FOCAD: variants seen among roughly 807,000 people sequenced by gnomAD.
FOCAD encodes the protein focadhesin, also known as KIAA1797.
In FOCAD, 198 loss-of-function variants were observed where a neutral mutation model predicts 225.6. The ratio of observed to expected loss-of-function variants is 0.88; its 90% CI spans 0.78 to 0.99. FOCAD has a LOEUF of 0.99. FOCAD is among the 50% of genes least tolerant of loss of function. FOCAD has a pLI of 0.00. For synonymous variants in FOCAD, 897 were observed against 755.0 expected (o/e 1.19, Z -3.08); for missense variants, 2,713 against 2,123.6 (o/e 1.28, Z -5.46).
intron 41 of FOCAD, among the ~76,000 whole-genome samples, chr9:20,989,243 A>G (rs1841447825): frequency 6.6e-6 from 1 of 152,048 alleles, no homozygotes; most frequent in South Asian, 2.1e-4. Flanking sequence ...TTGAAATTTT[A>G]ATTTGTGAGT....
chr9:20,844,349 CTTTTTTTTTTTTT>C (rs58468376), intron 15 of FOCAD, among the ~76,000 whole-genome samples: 11 of 77,248 alleles, frequency 1.4e-4, no homozygotes, highest in Non-Finnish European at 2.2e-4. Flanking sequence ...AGGAAATTTC[CTTTTTTTTTTTTT>C]TTTTTTTTTT....
At position 20,995,749 on chromosome 9, in the gene FOCAD, T is replaced by A. The variant is rs1842013833; in HGVS notation, c.*120T>A. ...ACATGATGCAGAGAGTTAAGGGTCA[T>A]GAAAAGATGGCCACATCACTGACAG... is the stretch of plus-strand genomic sequence containing the variant. On this transcript the variant is annotated 3_prime_UTR_variant, in exon 44 of 44. Transcript: ENST00000338382. 1 of 840,782 alleles carries A rather than the reference T, an allele frequency of 1.2e-6. No homozygotes were observed. Among genetic ancestry groups the A allele is most frequent in the South Asian group, 1.6e-5 (1 of 60,752 alleles). The allele number at this position is 840,782 out of a possible 1,614,324, so 52.1% of individuals were successfully genotyped here.
intron 1 of FOCAD, among the ~76,000 whole-genome samples, chr9:20,714,855 TC>T (rs1825202569): frequency 1.3e-5 from 2 of 152,264 alleles, no homozygotes; most frequent in South Asian, 4.2e-4. Flanking sequence ...TTTCTATACT[TC>T]TTGAAAAAAG....
intron 4 of FOCAD, among the ~76,000 whole-genome samples, chr9:20,728,331 T>C (rs1440205426): frequency 6.6e-6 from 1 of 152,188 alleles, no homozygotes. Context: ...ACAAAATTCA[T>C]TTATATTTCA....
At chr9:20,844,648 A>T (rs1331006503) in intron 15 of FOCAD, among the ~76,000 whole-genome samples, 1 of 152,046 alleles carries the variant, frequency 6.6e-6, no homozygotes, top group Non-Finnish European at 1.5e-5. Context: ...GGTGTGAGCC[A>T]CTGTACCCGG....
At chr9:20,809,810 T>C (rs1822859163) in intron 11 of FOCAD, among the ~76,000 whole-genome samples, 1 of 152,070 alleles carries the variant, frequency 6.6e-6, no homozygotes, top group Non-Finnish European at 1.5e-5. Context: ...AGTGTAGATT[T>C]GGCCCTCACA....
At chr9:20,854,308 T>G (rs1336812885) in intron 15 of FOCAD, among the ~76,000 whole-genome samples, 1 of 151,808 alleles carries the variant, frequency 6.6e-6, no homozygotes, top group East Asian at 1.9e-4. Context: ...TATTTTTTTT[T>G]CTGTTGGTTA....
intron 35 of FOCAD, among the ~76,000 whole-genome samples, chr9:20,958,486 T>C (rs1294473530): frequency 1.3e-5 from 2 of 152,186 alleles, no homozygotes; most frequent in African/African-American, 4.8e-5. Context: ...AGTGATCAGA[T>C]CAGAGTAATT....
intron 5 of FOCAD, among the ~76,000 whole-genome samples, chr9:20,745,601 T>C (rs1827980146): frequency 6.6e-6 from 1 of 152,214 alleles, no homozygotes; most frequent in South Asian, 2.1e-4. Flanking sequence ...ATTCATATTA[T>C]GGCAATCTTT....
rs76088446 is a variant in FOCAD at position 20,665,918 on chromosome 9, G to A, written c.-78+7092G>A. 2.6e-3 allele frequency among the ~76,000 whole-genome samples: 399 copies of A among 151,786 alleles called. 2 individuals are homozygous for A. Among genetic ancestry groups the A allele is most frequent in the African/African-American group, 8.1e-3 (337 of 41,430 alleles). On this transcript the variant is annotated intron_variant, in intron 2 of 45. Coordinates refer to the FOCAD transcript ENST00000380249. ...ATAATTATATATATATATTTTAGACGGAGTCTCGCTCTGTCACCGAGGTTG... is the reference window on the plus strand; with the variant it reads ...ATAATTATATATATATATTTTAGACAGAGTCTCGCTCTGTCACCGAGGTTG...
intron 5 of FOCAD, among the ~76,000 whole-genome samples, chr9:20,750,817 G>C (rs1828471552): frequency 6.6e-6 from 1 of 152,098 alleles, no homozygotes; most frequent in Non-Finnish European, 1.5e-5. Context: ...TAGACATTGG[G>C]CTTAGAGCCA....
At chr9:20,985,455 A>C (rs1337449717) in intron 39 of FOCAD, among the ~76,000 whole-genome samples, 2 of 152,246 alleles carry the variant, frequency 1.3e-5, no homozygotes, top group Non-Finnish European at 2.9e-5. Context: ...TTTGGGAGCA[A>C]ATACTACCAG....
chr9:20,944,269 G>C (rs1214446183), intron 28 of FOCAD, among the ~76,000 whole-genome samples: 1 of 152,150 alleles, frequency 6.6e-6, no homozygotes, highest in African/African-American at 2.4e-5. Context: ...ATGCAGGTAG[G>C]GGTGTTGCAG....
intron 5 of FOCAD, among the ~76,000 whole-genome samples, chr9:20,745,906 A>G (rs748770518): frequency 5.3e-5 from 8 of 152,154 alleles, no homozygotes; most frequent in South Asian, 4.1e-4. Flanking sequence ...TATGTGCTCT[A>G]TGTTTGTATT....
Position 20,740,251 on chromosome 9 carries a change from G to C in FOCAD, c.303G>C (p.Leu101Phe). Residue 101 changes from leucine to phenylalanine, a missense_variant, in exon 5 of 44, where the codon TTG becomes TTC. Coordinates refer to ENST00000338382, the MANE Select transcript of FOCAD (RefSeq NM_001375567.1). Reference sequence around the variant, plus strand: ...TTCTTTGCAGAAATACACATGGCTTGATAAAAGCCATTATGCACTTACTAC... The same window carrying C: ...TTCTTTGCAGAAATACACATGGCTTCATAAAAGCCATTATGCACTTACTAC... ...LIPSTRNTHG[L>F]IKAIMHLLQM... The C allele has an allele frequency of 6.2e-7, 1 of 1,603,772 alleles. No individual in the cohort carries two copies. The highest frequency in any genetic ancestry group is 8.5e-7 in the Non-Finnish European group (1 of 1,174,178).
chr9:20,769,878 T>C (rs1459444830), intron 7 of FOCAD, among the ~76,000 whole-genome samples, 154 bp from the exon 8 acceptor site: 1 of 152,254 alleles, frequency 6.6e-6, no homozygotes, highest in Non-Finnish European at 1.5e-5. Context: ...GTTGTATAGT[T>C]AATCCTTCAT....
chr9:20,715,324 G>A lies in FOCAD; in HGVS notation c.-30G>A, dbSNP rs760335638. On this transcript the variant is annotated splice_region_variant and 5_prime_UTR_variant, in exon 2 of 44. Coordinates refer to ENST00000338382, the MANE Select transcript of FOCAD (RefSeq NM_001375567.1). The stretch of plus-strand genomic sequence containing the variant: ...ATATTCTTTTGTTTTGGTTACAGAA[G>A]CTGCACACATACATGTAAGAGAAGC... 1 of 1,461,340 alleles carries A rather than the reference G, an allele frequency of 6.8e-7. No individual in the cohort carries two copies. Among genetic ancestry groups the A allele is most frequent in the Non-Finnish European group, 9.2e-7 (1 of 1,090,192 alleles). 90.5% of individuals were successfully genotyped at this position (1,461,340 alleles called of 1,614,324 possible).
Position 20,995,641 on chromosome 9 carries a change from G to A in FOCAD, c.*12G>A. Reference sequence around the variant, plus strand: ...CATATGGTTGGTGAACAGTTTTGCAGTAACCAGCAGCATTCTCAGCTGGAT... The same window carrying A: ...CATATGGTTGGTGAACAGTTTTGCAATAACCAGCAGCATTCTCAGCTGGAT... On this transcript the variant is annotated 3_prime_UTR_variant, in exon 44 of 44. Coordinates refer to ENST00000338382, the MANE Select transcript of FOCAD (RefSeq NM_001375567.1). 1 of 1,609,798 alleles carries A rather than the reference G, an allele frequency of 6.2e-7. No homozygotes were observed. The highest frequency in any genetic ancestry group is 2.2e-5 in the East Asian group (1 of 44,838).
intron 4 of FOCAD, among the ~76,000 whole-genome samples, chr9:20,723,531 A>G (rs1353299074): frequency 1.3e-5 from 2 of 152,212 alleles, no homozygotes; most frequent in Non-Finnish European, 2.9e-5. Flanking sequence ...AATAGATAAT[A>G]TATTCACATT....
Sources: gnomAD v4.1 joint callset for allele counts (sites outside exome capture counted in the v4.1 genomes callset) on GRCh38, gnomAD v4.1.1 for gene constraint, MANE v1.5 for transcripts, NCBI Gene and HGNC (gene_info 2026-07-23, HGNC 2026-07-21) for gene names.